The following VMA22 variants were observed in gnomAD, a reference collection of about 807,000 sequenced individuals.
VMA22 encodes vacuolar ATPase assembly factor VMA22.
the VMA22 span, chr2:130,341,919 C>G: frequency 3.1e-6 from 5 of 1,613,302 alleles, no homozygotes; most frequent in Non-Finnish European, 2.5e-6. Flanking sequence ...CATCGCGTAG[C>G]GAGCCTTGGC....
At chr2:130,339,140 G>C in the VMA22 span, 1 of 1,614,020 alleles carries the variant, frequency 6.2e-7, no homozygotes, top group Non-Finnish European at 8.5e-7. Context: ...CCAGGCTCCA[G>C]CTGCTTGAGT....
chr2:130,341,308 A>G, the VMA22 span: 1 of 551,198 alleles, frequency 1.8e-6, no homozygotes, highest in South Asian at 2.2e-5. Context: ...TACCCATTGT[A>G]CCTGAACATG....
chr2:130,341,911 T>A, the VMA22 span: 4 of 1,606,096 alleles, frequency 2.5e-6, no homozygotes, highest in Admixed American at 6.8e-5. Flanking sequence ...TTGGCGCCCA[T>A]CGCGTAGCGA....
At chr2:130,339,066 C>T in the VMA22 span, 187 of 1,370,190 alleles carry the variant, frequency 1.4e-4, no homozygotes, top group South Asian at 3.8e-4. Context: ...CCTGAGATCA[C>T]GTAGCCATGT....
chr2:130,341,645 G>A, the VMA22 span: 10,824 of 1,595,822 alleles, frequency 6.8e-3, 38 homozygotes, highest in Non-Finnish European at 8.4e-3. Context: ...AAGGGGTTCT[G>A]CAGAAGGAAG....
chr2:130,341,009 G>A, the VMA22 span: 1 of 1,612,302 alleles, frequency 6.2e-7, no homozygotes, highest in Non-Finnish European at 8.5e-7. Flanking sequence ...CGGTTCTGGG[G>A]TCTTAGTGGG....
the VMA22 span, chr2:130,341,992 T>C: frequency 1.2e-6 from 2 of 1,613,090 alleles, no homozygotes; most frequent in Non-Finnish European, 1.7e-6. Context: ...CCGTGTACCC[T>C]CCTGCCCGCC....
At chr2:130,342,246 C>A in the VMA22 span, 3 of 1,543,650 alleles carry the variant, frequency 1.9e-6, no homozygotes, top group South Asian at 2.4e-5. Context: ...ATCCCCACGC[C>A]GGCAGCACCA....
At chr2:130,342,077 G>A in the VMA22 span, 10 of 1,613,760 alleles carry the variant, frequency 6.2e-6, no homozygotes, top group African/African-American at 1.3e-4. Flanking sequence ...TCCCCAAGCA[G>A]CTGCAGGACC....
At chr2:130,342,636 G>C in the VMA22 span, 28 of 484,838 alleles carry the variant, frequency 5.8e-5, no homozygotes, top group Middle Eastern at 5.5e-4. Flanking sequence ...GCGGTGGTGG[G>C]GGGAGGACGA....
At chr2:130,339,042 G>T in the VMA22 span, 1 of 1,082,248 alleles carries the variant, frequency 9.2e-7, no homozygotes, top group Non-Finnish European at 1.4e-6. Context: ...AGAGCTAATT[G>T]TGAAGGAAGA....
the VMA22 span, chr2:130,341,563 G>A: frequency 3.2e-6 from 3 of 942,646 alleles, no homozygotes; most frequent in East Asian, 7.5e-5. Context: ...TTCTGCTCTG[G>A]GATGCTCTCT....
chr2:130,339,190 A>G, the VMA22 span: 2 of 1,614,190 alleles, frequency 1.2e-6, no homozygotes, highest in South Asian at 1.1e-5. Flanking sequence ...ACCCCAGTCA[A>G]TGCGGTTCTG....
the VMA22 span, chr2:130,341,431 T>C: frequency 3.5e-6 from 2 of 569,882 alleles, no homozygotes; most frequent in South Asian, 2.3e-5. Context: ...AAATATTTTC[T>C]GTTCAGCTGA....
the VMA22 span, chr2:130,342,284 C>G: frequency 1.4e-6 from 2 of 1,429,886 alleles, no homozygotes; most frequent in Non-Finnish European, 1.9e-6. Flanking sequence ...TCTTTAAGGG[C>G]AAGCGCCCTT....
the VMA22 span, chr2:130,339,334 G>A: frequency 2.2e-6 from 3 of 1,344,130 alleles, no homozygotes; most frequent in African/African-American, 4.4e-5. Context: ...AGGCCTCTCT[G>A]CCCCCCACAC....
the VMA22 span, chr2:130,341,598 T>C: frequency 7.6e-7 from 1 of 1,310,224 alleles, no homozygotes; most frequent in Non-Finnish European, 1.1e-6. Flanking sequence ...CTAATTTAAA[T>C]CATCTCCATA....
At chr2:130,339,156 T>C in the VMA22 span, 18 of 1,614,010 alleles carry the variant, frequency 1.1e-5, no homozygotes, top group African/African-American at 1.3e-5. Context: ...TGAGTTTCTC[T>C]TGGAGTCCCC....
chr2:130,341,315 C>T, the VMA22 span: 1 of 549,496 alleles, frequency 1.8e-6, no homozygotes, highest in Non-Finnish European at 3.2e-6. Context: ...TGTACCTGAA[C>T]ATGCCAACAG....
Sources: allele counts gnomAD v4.1 joint callset, GRCh38; gene constraint gnomAD v4.1.1; transcripts MANE v1.5; gene names NCBI Gene and HGNC (gene_info 2026-07-23, HGNC 2026-07-21).